ESPNL: variants seen among roughly 807,000 people sequenced by gnomAD.
ESPNL encodes the protein espin-like protein.
In ESPNL, 49 loss-of-function variants were observed where a neutral mutation model predicts 46.8. That is an observed-to-expected ratio of 1.05 (90% CI 0.83 to 1.33). The LOEUF (loss-of-function observed/expected upper bound fraction) is 1.33. Ranked by LOEUF, ESPNL falls within the 40% of genes most tolerant of loss-of-function variation. ESPNL has a pLI of 0.00. For missense variants in ESPNL, 1,540 were observed against 1,436.6 expected (o/e 1.07, Z -1.16); for synonymous variants, 664 against 662.1 (o/e 1.00, Z -0.04).
At chr2:238,121,718 AGAG>A (rs1015944550) in intron 5 of ESPNL, among the ~76,000 whole-genome samples, 1 of 152,250 alleles carries the variant, frequency 6.6e-6, no homozygotes, top group African/African-American at 2.4e-5. Flanking sequence ...TTTTTTGGGT[AGAG>A]GAGAAGCTCC....
intron 8 of ESPNL, chr2:238,129,344 C>A: frequency 2.6e-6 from 2 of 775,950 alleles, no homozygotes; most frequent in Non-Finnish European, 3.2e-6. Context: ...TGGCCTTGAG[C>A]AGGGGCCAGA....
Position 238,130,717 on chromosome 2 carries a change from G to T in ESPNL, c.2003G>T (p.Gly668Val). The T allele has an allele frequency of 6.4e-7, 1 of 1,567,686 alleles. No homozygotes were observed. The highest frequency in any genetic ancestry group is 8.6e-7 in the Non-Finnish European group (1 of 1,158,914). Residue 668 changes from glycine (G) to valine (V), a missense_variant, in exon 9 of 9, where the codon GGC becomes GTC. Transcript: ENST00000343063. Reference protein sequence around the residue: ...NFESASGPLCGFNPGPCEPGA... With the variant: ...NFESASGPLCVFNPGPCEPGA... ...GAGTCGGCCTCTGGCCCACTCTGTG[G>T]CTTCAACCCTGGCCCCTGCGAGCCG...
chr2:238,124,745 ATG>A (rs750523856), intron 5 of ESPNL, among the ~76,000 whole-genome samples: 1 of 109,410 alleles, frequency 9.1e-6, no homozygotes, highest in Admixed American at 9.9e-5. Context: ...GAGTACATGC[ATG>A]TGTGTGCAGG....
intron 6 of ESPNL, 38 bp from the exon 7 acceptor site, chr2:238,127,584 C>A: frequency 6.4e-7 from 1 of 1,556,266 alleles, no homozygotes; most frequent in Non-Finnish European, 8.7e-7. Flanking sequence ...GCTCCCCAGC[C>A]CTTGCCCTTT....
Position 238,130,243 on chromosome 2 carries a change from T to A in ESPNL, c.1529T>A (p.Leu510Gln). 6.2e-7 allele frequency: 1 copy of A among 1,610,868 alleles called. No homozygotes were observed. The highest frequency in any genetic ancestry group is 1.1e-5 in the South Asian group (1 of 90,570). ...CTGACAGAGGATGACCTGGTCTACC[T>A]GGAGAAGCAGATTGCAGACCTGCAG... ...ELLTEDDLVY[L>Q]EKQIADLQLR... The change falls in exon 9 of 9, where the codon CTG becomes CAG. Residue 510 changes from leucine (L) to glutamine (Q), a missense_variant. Transcript: ENST00000343063.
chr2:238,125,334 G>A lies in ESPNL; in HGVS notation c.1052G>A (p.Arg351His), dbSNP rs748875074. The A allele has an allele frequency of 5.7e-5, 89 of 1,573,540 alleles. No individual in the cohort carries two copies. The highest frequency in any genetic ancestry group is 6.8e-5 in the African/African-American group (5 of 73,824). The change falls in exon 6 of 9, where the codon CGC (arginine) becomes CAC (histidine). Residue 351 changes from arginine (R) to histidine (H), a missense_variant. Physicochemically the swap from Arg to His is conservative, Grantham distance 29 (BLOSUM62 0). Transcript: ENST00000343063. ...FPPPPLLATRRSLEDGRRGGP... is the reference protein window; with the variant it reads ...FPPPPLLATRHSLEDGRRGGP... ...CCACCTCCACTGTTGGCCACGAGGC[G>A]CTCCCTGGAGGATGGAAGAAGAGGA...
intron 8 of ESPNL, among the ~76,000 whole-genome samples, chr2:238,129,891 G>A (rs1485708974): frequency 6.6e-6 from 1 of 152,272 alleles, no homozygotes; most frequent in Admixed American, 6.5e-5. Flanking sequence ...GGCCCAGCCT[G>A]TCCTTGCCTG....
chr2:238,126,712 CTGTG>C (rs552270943), intron 6 of ESPNL, among the ~76,000 whole-genome samples: 8 of 145,926 alleles, frequency 5.5e-5, no homozygotes, highest in African/African-American at 1.0e-4. Flanking sequence ...ATGCTTGTGT[CTGTG>C]TGTCTCTGCG....
chr2:238,131,971 A>C lies in ESPNL; in HGVS notation c.*239A>C. ...CCTTGGCAGGTCCTGAAGTGAGGCAATGGGCCACCCCAGTCCAGGGCACCT... is the reference window on the plus strand; with the variant it reads ...CCTTGGCAGGTCCTGAAGTGAGGCACTGGGCCACCCCAGTCCAGGGCACCT... On this transcript the variant is annotated 3_prime_UTR_variant, in exon 9 of 9. Transcript: ENST00000343063. The C allele has an allele frequency of 2.1e-6, 1 of 470,906 alleles. No homozygotes were observed. Among genetic ancestry groups the C allele is most frequent in the Non-Finnish European group, 3.7e-6 (1 of 266,920 alleles). The allele number at this position is 470,906 out of a possible 1,614,324, so 29.2% of individuals were successfully genotyped here.
chr2:238,128,923 C>T lies in ESPNL; in HGVS notation c.1413+19C>T, dbSNP rs1055431212. On this transcript the variant is annotated intron_variant, in intron 8 of 8. Transcript: ENST00000343063. ...GGCCCAGGTAGGCCCCCGGCAGGGG[C>T]GGGACCAGTGGGCGGGGCGGGGCCT... The T allele has an allele frequency of 1.6e-5, 24 of 1,527,856 alleles. No individual in the cohort carries two copies. Among genetic ancestry groups the T allele is most frequent in the Middle Eastern group, 2.3e-4 (1 of 4,398 alleles). The allele number at this position is 1,527,856 out of a possible 1,614,324, so 94.6% of individuals were successfully genotyped here.
rs764864702 is a variant in ESPNL at position 238,130,148 on chromosome 2, C to T, written c.1434C>T (p.Gly478=). The change falls in exon 9 of 9, where the codon GGC becomes GGT. Residue 478 remains glycine, a synonymous_variant. Coordinates refer to ENST00000343063, the MANE Select transcript of ESPNL (RefSeq NM_194312.4). The stretch of plus-strand genomic sequence containing the variant: ...CCCAGGACAATGGTGGGAGCTCAGG[C>T]CCCACGGAGCAGGCGGCCTGGAGGT... ...AEAQDNGGSS[G]PTEQAAWRYS... 1 of 1,611,856 alleles carries T rather than the reference C, an allele frequency of 6.2e-7. No individual in the cohort carries two copies. Among genetic ancestry groups the T allele is most frequent in the Non-Finnish European group, 8.5e-7 (1 of 1,179,274 alleles).
intron 3 of ESPNL, among the ~76,000 whole-genome samples, chr2:238,106,507 C>T (rs867424934): frequency 2.0e-5 from 3 of 152,338 alleles, no homozygotes; most frequent in Middle Eastern, 3.4e-3. Flanking sequence ...CGCCCCTCCC[C>T]ACCCCGGGGC....
chr2:238,123,776 G>A lies in ESPNL; in HGVS notation c.988-1494G>A, dbSNP rs140406111. 3.3e-3 allele frequency among the ~76,000 whole-genome samples: 510 copies of A among 152,340 alleles called. 2 individuals carry two copies. Among genetic ancestry groups the A allele is most frequent in the African/African-American group, 0.012 (481 of 41,576 alleles). On this transcript the variant is annotated intron_variant, in intron 5 of 8. Transcript: ENST00000343063. ...GGGCGGTTGCTCCCCAGCCCACCGC[G>A]CACCAGGGTTCCTGGGCTGTGGGCA...
chr2:238,126,013 G>C (rs368692791), intron 6 of ESPNL, among the ~76,000 whole-genome samples: 1 of 146,682 alleles, frequency 6.8e-6, no homozygotes, highest in East Asian at 2.2e-4. Context: ...ATCTGTGTAT[G>C]TTGTGTCTGT....
chr2:238,117,468 C>T (rs71425000), intron 5 of ESPNL, among the ~76,000 whole-genome samples: 2 of 121,608 alleles, frequency 1.6e-5, no homozygotes, highest in Non-Finnish European at 3.7e-5. Flanking sequence ...CAGAGTTCCT[C>T]GTGGGTGATG....
In ESPNL at chr2:238,130,153, C is replaced by CGGAG. The variant is rs1559269120; in HGVS notation, c.1440_1443dup (p.Gln482GlyfsTer26). ...GACAATGGTGGGAGCTCAGGCCCCACGGAGCAGGCGGCCTGGAGGTACTCA... is the reference window on the plus strand; with the variant it reads ...GACAATGGTGGGAGCTCAGGCCCCACGGAGGGAGCAGGCGGCCTGGAGGTACTCA... On this transcript the variant is annotated frameshift_variant, in exon 9 of 9. Coordinates refer to ENST00000343063, the MANE Select transcript of ESPNL (RefSeq NM_194312.4). LOFTEE classifies it low-confidence loss of function (END_TRUNC). The CGGAG allele has an allele frequency of 9.9e-6, 16 of 1,612,276 alleles. No homozygotes were observed. Among genetic ancestry groups the CGGAG allele is most frequent in the Non-Finnish European group, 1.4e-5 (16 of 1,179,476 alleles).
chr2:238,119,316 T>TTGGATGGAGGAGG (rs1258732764), intron 5 of ESPNL, among the ~76,000 whole-genome samples: 1 of 93,826 alleles, frequency 1.1e-5, no homozygotes, highest in Non-Finnish European at 2.2e-5. Flanking sequence ...GATGAAGGAG[T>TTGGATGGAGGAGG]TGGATGGAGG....
intron 2 of ESPNL, among the ~76,000 whole-genome samples, chr2:238,103,564 T>C (rs911237588): frequency 2.0e-5 from 3 of 152,230 alleles, no homozygotes; most frequent in Admixed American, 6.5e-5. Flanking sequence ...GAGAGGTGGC[T>C]GCCCCTGGCC....
At chr2:238,120,002 G>A (rs74574282) in intron 5 of ESPNL, among the ~76,000 whole-genome samples, 2,191 of 152,272 alleles carry the variant, frequency 0.014, 48 homozygotes, top group African/African-American at 0.049. Flanking sequence ...TGGCCTCCGG[G>A]GAGCACGGCT....
Sources: allele counts gnomAD v4.1 joint callset (sites outside exome capture counted in the v4.1 genomes callset), GRCh38; gene constraint gnomAD v4.1.1; transcripts MANE v1.5; gene names NCBI Gene and HGNC (gene_info 2026-07-23, HGNC 2026-07-21).